Variants in TNRC18 observed in about 807,000 individuals in gnomAD.
TNRC18 encodes trinucleotide repeat-containing gene 18 protein.
Under a neutral mutation model 226.7 loss-of-function variants are expected in TNRC18, and 69 were observed. That is an observed-to-expected ratio of 0.30 (90% CI 0.25 to 0.37). TNRC18 has a LOEUF of 0.37. Among genes scored for constraint, TNRC18 ranks in the 10% least tolerant of loss-of-function variants. TNRC18 has a pLI of 1.00. For synonymous variants in TNRC18, 2,449 were observed against 1,927.6 expected (o/e 1.27, Z -7.09); for missense variants, 4,754 against 4,256.6 (o/e 1.12, Z -3.25).
rs1462379515 is a variant in TNRC18 at position 5,388,103 on chromosome 7, G to C, written c.1721C>G (p.Ser574Cys). The part of the protein sequence containing the change: ...TCGRPVADMH[S>C]AAHGSGEASA... ...GGCCTCTCCAGACCCGTGGGCCGCA[G>C]AGTGCATGTCAGCGACCGGCCGGCC... is the stretch of plus-strand genomic sequence containing the variant. Residue 574 changes from serine (S) to cysteine (C), a missense_variant, in exon 5 of 30, where the codon TCT becomes TGT. Coordinates refer to ENST00000430969, the MANE Select transcript of TNRC18 (RefSeq NM_001080495.3). 1.3e-6 allele frequency: 2 copies of C among 1,554,028 alleles called. No homozygotes were observed. The highest frequency in any genetic ancestry group is 2.4e-5 in the East Asian group (1 of 41,234).
chr7:5,361,535 C>A (rs1562548228), intron 14 of TNRC18, 59 bp downstream of exon 14: 1 of 1,435,648 alleles, frequency 7.0e-7, no homozygotes, highest in Non-Finnish European at 9.1e-7. Context: ...TGCGTGGGGC[C>A]CGGGCTCCTC....
intron 18 of TNRC18, among the ~76,000 whole-genome samples, chr7:5,339,935 C>A (rs1436876051): frequency 1.3e-5 from 2 of 152,098 alleles, no homozygotes; most frequent in Admixed American, 1.3e-4. Context: ...CGCCAACCGG[C>A]CTTCCTCATC....
intron 21 of TNRC18, among the ~76,000 whole-genome samples, chr7:5,322,642 C>T (rs187344919): frequency 2.0e-5 from 3 of 152,324 alleles, no homozygotes; most frequent in East Asian, 1.9e-4. Flanking sequence ...AATGAATGCC[C>T]GGGGGCAAAC....
chr7:5,312,447 CAG>C lies in TNRC18; in HGVS notation c.8388+54_8388+55del, dbSNP rs899476535. ...ACACAGCATGAAGCCGTGGGCCCAGCAGAGAGACACAAGGCCCCCGGCCCCTC... is the reference window on the plus strand; with the variant it reads ...ACACAGCATGAAGCCGTGGGCCCAGCAGAGACACAAGGCCCCCGGCCCCTC... On this transcript the variant is annotated intron_variant, in intron 27 of 29. Transcript: ENST00000430969. This position sits in a 1 kb window ranked among gnomAD's most constrained non-coding sequence, Gnocchi z 6.3. The C allele has an allele frequency of 6.9e-6, 11 of 1,585,808 alleles. No homozygotes were observed. The Admixed American group carries it at 1.4e-4, about 21-fold the overall frequency.
At chr7:5,361,861 C>A in intron 13 of TNRC18, 36 bp downstream of exon 13, 6 of 1,520,378 alleles carry the variant, frequency 3.9e-6, no homozygotes, top group Non-Finnish European at 5.3e-6. Context: ...TGGGCCGGGG[C>A]AGGGGCCCCA....
In TNRC18 at chr7:5,361,484, C is replaced by A. The variant is rs1793042184; in HGVS notation, c.4661+110G>T. 3.8e-6 allele frequency: 5 copies of A among 1,325,310 alleles called. No individual in the cohort carries two copies. The African/African-American group carries it at 4.6e-5, about 12-fold the overall frequency. 82.1% of individuals were successfully genotyped at this position (1,325,310 alleles called of 1,614,324 possible). On this transcript the variant is annotated intron_variant, in intron 14 of 29. Transcript: ENST00000430969. ...GGCCACTGCTGCGGGTAGGTCAGAG[C>A]CCGAGGGACGCGAGGTCCCCCAGCA...
chr7:5,346,477 C>A (rs1293748656), intron 17 of TNRC18, among the ~76,000 whole-genome samples: 1 of 152,052 alleles, frequency 6.6e-6, no homozygotes, highest in Admixed American at 6.6e-5. Flanking sequence ...GCCTGGGTGA[C>A]AAGAGTGAGA....
chr7:5,359,887 A>G (rs1792851127), intron 14 of TNRC18, among the ~76,000 whole-genome samples: 1 of 152,174 alleles, frequency 6.6e-6, no homozygotes. Flanking sequence ...TCGTGCCAAG[A>G]ACAAAGATCA....
intron 5 of TNRC18, among the ~76,000 whole-genome samples, chr7:5,383,272 G>A (rs1018041290): frequency 5.9e-5 from 9 of 152,160 alleles, no homozygotes; most frequent in Non-Finnish European, 1.3e-4. Context: ...ACAAATGTAG[G>A]TAATGCCTGT....
At position 5,308,111 on chromosome 7, in the gene TNRC18, A is replaced by G; in HGVS notation, c.8902T>C (p.Cys2968Arg). ...GCCCGCAGGGCCCGGCGGGCTCAGC[A>G]GAGCACGGGCACGCCGTCCGTGGAG... ...IFSTDGVPVL[C>R] Residue 2968 changes from cysteine to arginine, a missense_variant, in exon 30 of 30, where the codon TGC becomes CGC. Physicochemically the swap from Cys to Arg is radical, Grantham distance 180. Coordinates refer to ENST00000430969, the MANE Select transcript of TNRC18 (RefSeq NM_001080495.3). 6.5e-7 allele frequency: 1 copy of G among 1,550,020 alleles called. No homozygotes were observed. Among genetic ancestry groups the G allele is most frequent in the Non-Finnish European group, 8.7e-7 (1 of 1,147,222 alleles).
chr7:5,313,656 A>T lies in TNRC18; in HGVS notation c.7235T>A (p.Phe2412Tyr). 1 of 1,606,056 alleles carries T rather than the reference A, an allele frequency of 6.2e-7. No individual in the cohort carries two copies. The highest frequency in any genetic ancestry group is 8.5e-7 in the Non-Finnish European group (1 of 1,177,160). ...GGTGGCAGGAGCTGGCAGCTCTGCAAATGGCTCGGGTGCTGGGCAGCTGGT... is the reference window on the plus strand; with the variant it reads ...GGTGGCAGGAGCTGGCAGCTCTGCATATGGCTCGGGTGCTGGGCAGCTGGT... Reference protein sequence around the residue: ...AFTSCPAPEPFAELPAPATSL... With the variant: ...AFTSCPAPEPYAELPAPATSL... Residue 2412 changes from phenylalanine (F) to tyrosine (Y), a missense_variant, in exon 27 of 30, where the codon TTT (phenylalanine) becomes TAT (tyrosine). Transcript: ENST00000430969.
chr7:5,338,183 A>G (rs1216408508), intron 18 of TNRC18, among the ~76,000 whole-genome samples: 1 of 152,196 alleles, frequency 6.6e-6, no homozygotes. Flanking sequence ...TTCTATTTTT[A>G]AAAATGACAA....
rs757086473 is a variant in TNRC18, at chr7:5,313,595, G to C, written c.7296C>G (p.Ala2432=). Residue 2432 remains alanine (A), a synonymous_variant, in exon 27 of 30, where the codon GCC becomes GCG. Coordinates refer to ENST00000430969, the MANE Select transcript of TNRC18 (RefSeq NM_001080495.3). ...GCGCCTTCTTGGGCTTGGGGCGTGT[G>C]GCAGGCATGGTGATGAGGGGTGCTG... ...LAPAPLITMP[A]TRPKPKKARA... 4 of 1,603,808 alleles carry C rather than the reference G, an allele frequency of 2.5e-6. No homozygotes were observed. The highest frequency in any genetic ancestry group is 3.4e-6 in the Non-Finnish European group (4 of 1,176,162).
At chr7:5,328,833 GA>G in intron 19 of TNRC18, among the ~76,000 whole-genome samples, 1 of 151,946 alleles carries the variant, frequency 6.6e-6, no homozygotes, top group Non-Finnish European at 1.5e-5. Context: ...CTTATTAAAA[GA>G]AAAATTAGCA....
Position 5,400,184 on chromosome 7 carries a change from A to G in TNRC18, c.188-5589T>C, listed in dbSNP as rs190650406. On this transcript the variant is annotated intron_variant, in intron 2 of 29. Coordinates refer to ENST00000430969, the MANE Select transcript of TNRC18 (RefSeq NM_001080495.3). ...AGTGCTGGGATGACAGACCTGAGCC[A>G]TTGAGCCTGGTCTATGATTATTGTT... Among the ~76,000 whole-genome samples the G allele has an allele frequency of 2.0e-3, 312 of 152,226 alleles. 2 individuals are homozygous for G. The highest frequency in any genetic ancestry group is 7.0e-3 in the African/African-American group (292 of 41,552).
rs971122529 is a variant in TNRC18 at position 5,374,358 on chromosome 7, G to A, written c.2926C>T (p.Pro976Ser). Residue 976 changes from proline to serine, a missense_variant, in exon 10 of 30, where the codon CCT becomes TCT. Physicochemically the swap from Pro to Ser is moderately conservative, Grantham distance 74. Coordinates refer to ENST00000430969, the MANE Select transcript of TNRC18 (RefSeq NM_001080495.3). The part of the protein sequence containing the change: ...AGPGLLPRKP[P>S]GLAAGPAGTY... ...CCCGCGGGGCCGGCGGCCAGGCCAGGGGGCTTCCGCGGCAGCAGCCCGGGG... is the reference window on the plus strand; with the variant it reads ...CCCGCGGGGCCGGCGGCCAGGCCAGAGGGCTTCCGCGGCAGCAGCCCGGGG... 1 of 1,463,968 alleles carries A rather than the reference G, an allele frequency of 6.8e-7. No homozygotes were observed. Among genetic ancestry groups the A allele is most frequent in the Admixed American group, 2.7e-5 (1 of 36,596 alleles). The allele number at this position is 1,463,968 out of a possible 1,614,324, so 90.7% of individuals were successfully genotyped here.
At chr7:5,345,840 G>A in intron 17 of TNRC18, 30 bp from the exon 18 acceptor site, 1 of 1,529,572 alleles carries the variant, frequency 6.5e-7, no homozygotes, top group South Asian at 1.2e-5. Flanking sequence ...GACCGAGTCA[G>A]AGCCTTGGCC....
At chr7:5,386,727 G>A (rs763083496) in intron 5 of TNRC18, among the ~76,000 whole-genome samples, 5 of 152,246 alleles carry the variant, frequency 3.3e-5, no homozygotes, top group Non-Finnish European at 7.4e-5. Flanking sequence ...TCCACCCTGG[G>A]TAACAGAGCA....
intron 11 of TNRC18, among the ~76,000 whole-genome samples, chr7:5,368,747 G>A (rs1404546868): frequency 6.6e-6 from 1 of 151,606 alleles, no homozygotes; most frequent in African/African-American, 2.4e-5. Flanking sequence ...ATCTTAATTT[G>A]AGAAGTAAAT....
Sources: allele counts gnomAD v4.1 joint callset (sites outside exome capture counted in the v4.1 genomes callset), GRCh38; gene constraint gnomAD v4.1.1; non-coding constraint Gnocchi (gnomAD v3.1); transcripts MANE v1.5; gene names NCBI Gene and HGNC (gene_info 2026-07-23, HGNC 2026-07-21).